PRUNE2: variants seen among roughly 807,000 people sequenced by gnomAD.
The protein encoded by PRUNE2 is prune homolog 2 with BCH domain.
A neutral mutation model predicts 252.0 loss-of-function variants in PRUNE2; 164 were observed. The observed-to-expected ratio is 0.65, with a 90% CI of 0.57 to 0.74. The LOEUF (loss-of-function observed/expected upper bound fraction) is 0.74, where lower values mean the gene tolerates loss of function less well. PRUNE2 is among the 30% of genes least tolerant of loss of function. The pLI is 0.00. For synonymous variants in PRUNE2, 1,292 were observed against 1,350.2 expected (o/e 0.96, Z 0.94); for missense variants, 3,495 against 3,711.0 (o/e 0.94, Z 1.51).
chr9:76,652,426 A>T, intron 11 of PRUNE2, 57 bp downstream of exon 11: 2 of 1,212,018 alleles, frequency 1.7e-6, no homozygotes, highest in Non-Finnish European at 2.4e-6. Flanking sequence ...GAGGTCTGTT[A>T]GAAAATCTTT....
In PRUNE2 at chr9:76,708,324, T is replaced by A; in HGVS notation, c.3950A>T (p.Lys1317Ile). The A allele has an allele frequency of 6.2e-7, 1 of 1,613,844 alleles. No individual in the cohort carries two copies. The highest frequency in any genetic ancestry group is 8.5e-7 in the Non-Finnish European group (1 of 1,179,874). ...TTCACTTTGTCCATCGCCATGACCTTTCCATGGATCTGGGTGTGGAAAATA... is the reference window on the plus strand; with the variant it reads ...TTCACTTTGTCCATCGCCATGACCTATCCATGGATCTGGGTGTGGAAAATA... ...PGYFPHPDPW[K>I]GHGDGQSESE... Residue 1317 changes from lysine (K) to isoleucine (I), a missense_variant, in exon 8 of 19, where the codon AAA becomes ATA. Transcript: ENST00000376718.
At chr9:76,625,535 G>A (rs1026460164) in intron 16 of PRUNE2, among the ~76,000 whole-genome samples, 9 of 152,140 alleles carry the variant, frequency 5.9e-5, no homozygotes, top group African/African-American at 1.7e-4. Context: ...ACATTTGGGG[G>A]AAATCTTATT....
At chr9:76,904,003 T>C (rs1378752195) in intron 1 of PRUNE2, among the ~76,000 whole-genome samples, 19 of 152,226 alleles carry the variant, frequency 1.2e-4, no homozygotes, top group Admixed American at 1.2e-3. Context: ...TCTACTACTA[T>C]ATTTGAGTGT....
intron 6 of PRUNE2, among the ~76,000 whole-genome samples, chr9:76,809,814 G>A (rs564614795): frequency 6.6e-6 from 1 of 152,302 alleles, no homozygotes; most frequent in Non-Finnish European, 1.5e-5. Context: ...TAAAATAAAT[G>A]TTTGATGACA....
Position 76,826,616 on chromosome 9 carries a change from T to C in PRUNE2, c.625A>G (p.Ile209Val). The C allele has an allele frequency of 3.7e-6, 6 of 1,611,702 alleles. No homozygotes were observed. Among genetic ancestry groups the C allele is most frequent in the Non-Finnish European group, 5.1e-6 (6 of 1,178,564 alleles). Residue 209 changes from isoleucine (I) to valine (V), a missense_variant, in exon 5 of 19, where the codon ATC becomes GTC. Physicochemically the swap from Ile to Val is conservative, Grantham distance 29. Transcript: ENST00000376718. ...AACTGGGTCTCCTGTAGGACGTTGA[T>C]GATGTCCTCTCTTGGAGGCAAGTTA... ...FPNLPPREDI[I>V]NVLQETQFSA...
At chr9:76,760,349 C>G (rs550154869) in intron 6 of PRUNE2, among the ~76,000 whole-genome samples, 2 of 152,286 alleles carry the variant, frequency 1.3e-5, no homozygotes, top group South Asian at 4.1e-4. Context: ...TTATTTCTAT[C>G]ATTTTCTTTT....
intron 1 of PRUNE2, among the ~76,000 whole-genome samples, chr9:76,860,231 A>C (rs1268990555): frequency 6.6e-6 from 1 of 152,242 alleles, no homozygotes; most frequent in Non-Finnish European, 1.5e-5. Flanking sequence ...TGTTATCTGT[A>C]GGAGTAGTTG....
intron 6 of PRUNE2, chr9:76,737,089 G>A (rs968844480): frequency 3.3e-5 from 5 of 152,150 alleles, no homozygotes; most frequent in African/African-American, 7.2e-5. Flanking sequence ...AGTTCTTTTC[G>A]TGTGTAGCTG....
At chr9:76,835,447 C>A (rs1022944978) in intron 4 of PRUNE2, among the ~76,000 whole-genome samples, 4 of 151,912 alleles carry the variant, frequency 2.6e-5, no homozygotes, top group African/African-American at 7.3e-5. Context: ...TAAAAAGAAG[C>A]CTCTTTTTAT....
chr9:76,807,675 A>T (rs2057064508), intron 6 of PRUNE2, among the ~76,000 whole-genome samples: 1 of 152,174 alleles, frequency 6.6e-6, no homozygotes, highest in Admixed American at 6.5e-5. Context: ...GACCAGTGTG[A>T]TGTTCATGGC....
chr9:76,663,785 A>G (rs1313349000), intron 9 of PRUNE2, among the ~76,000 whole-genome samples: 2 of 152,206 alleles, frequency 1.3e-5, no homozygotes, highest in Non-Finnish European at 2.9e-5. Flanking sequence ...TCTTGCCTGC[A>G]GGCTATTTGC....
At position 76,613,009 on chromosome 9, in the gene PRUNE2, C is replaced by T. The variant is rs1006036594; in HGVS notation, c.*1561G>A. The stretch of plus-strand genomic sequence containing the variant: ...ACTAAGAATGGTTCCCAGAGTGAGG[C>T]ACGGACTTCAGCCAACACCTGTATA... On this transcript the variant is annotated 3_prime_UTR_variant, in exon 19 of 19. Coordinates refer to ENST00000376718, the MANE Select transcript of PRUNE2 (RefSeq NM_015225.3). 6.6e-6 allele frequency: 1 copy of T among 152,144 alleles called. No individual in the cohort carries two copies. Among genetic ancestry groups the T allele is most frequent in the Non-Finnish European group, 1.5e-5 (1 of 68,034 alleles). The allele number at this position is 152,144 out of a possible 1,614,324, so 9.4% of individuals were successfully genotyped here.
At chr9:76,900,901 A>G (rs1033351351) in intron 1 of PRUNE2, among the ~76,000 whole-genome samples, 1 of 152,166 alleles carries the variant, frequency 6.6e-6, no homozygotes, top group African/African-American at 2.4e-5. Flanking sequence ...ACCAAACTCA[A>G]AATTATGTTA....
chr9:76,852,794 ATCTGTCTG>A (rs200744385), intron 2 of PRUNE2, among the ~76,000 whole-genome samples: 8 of 99,634 alleles, frequency 8.0e-5, no homozygotes, highest in Non-Finnish European at 1.6e-4. Flanking sequence ...TTATCTAGCC[ATCTGTCTG>A]TCTGTCTATC....
At chr9:76,656,377 T>C (rs1019040960) in intron 9 of PRUNE2, among the ~76,000 whole-genome samples, 5 of 152,136 alleles carry the variant, frequency 3.3e-5, no homozygotes, top group Admixed American at 2.6e-4. Context: ...CTAGGGTGAG[T>C]CCTTATGATG....
intron 9 of PRUNE2, among the ~76,000 whole-genome samples, chr9:76,659,881 AAT>A (rs1488784227): frequency 6.6e-6 from 1 of 150,600 alleles, no homozygotes; most frequent in Non-Finnish European, 1.5e-5. Flanking sequence ...GAAAAAATTA[AAT>A]ATAATAAAAA....
chr9:76,695,450 C>A (rs112032513), intron 9 of PRUNE2, among the ~76,000 whole-genome samples: 2,050 of 152,220 alleles, frequency 0.013, 41 homozygotes, highest in African/African-American at 0.046. Flanking sequence ...GGATGAGTGA[C>A]TAACAAAACT....
chr9:76,852,957 G>A (rs549375913), intron 2 of PRUNE2, among the ~76,000 whole-genome samples: 6 of 152,056 alleles, frequency 3.9e-5, no homozygotes, highest in African/African-American at 7.2e-5. Context: ...TGAAGTCCAC[G>A]CCACTATCAC....
intron 9 of PRUNE2, 146 bp from the exon 10 acceptor site, chr9:76,655,648 C>T: frequency 1.6e-6 from 1 of 624,128 alleles, no homozygotes; most frequent in Non-Finnish European, 2.9e-6. Context: ...TGTAAGTGGT[C>T]CCAAATTAAA....
Sources: gnomAD v4.1 joint callset for allele counts (sites outside exome capture counted in the v4.1 genomes callset) on GRCh38, gnomAD v4.1.1 for gene constraint, MANE v1.5 for transcripts, NCBI Gene and HGNC (gene_info 2026-07-23, HGNC 2026-07-21) for gene names.